The following KCNH1 variants were observed in gnomAD, a reference collection of about 807,000 sequenced individuals.
KCNH1 encodes potassium voltage-gated channel subfamily H member 1.
In KCNH1, 27 loss-of-function variants were observed where a neutral mutation model predicts 69.2. That is an observed-to-expected ratio of 0.39 (90% CI 0.29 to 0.54). The LOEUF is 0.54. Ranked by LOEUF, KCNH1 falls within the 20% of genes least tolerant of loss-of-function variation. KCNH1 has a pLI of 0.68. For synonymous variants in KCNH1, 456 were observed against 487.7 expected (o/e 0.93, Z 0.86); for missense variants, 798 against 1,261.6 (o/e 0.63, Z 5.57).
rs548489033 is a variant in KCNH1, at chr1:210,792,201, T to C, written c.1915+5307A>G. On this transcript the variant is annotated intron_variant, in intron 9 of 10. Coordinates refer to ENST00000271751, the MANE Select transcript of KCNH1 (RefSeq NM_172362.3). ...CCCTGATATCTCTGGACTCTGGCTC[T>C]CCTTCTACTTCTTTATTCAGGGGCT... Among the ~76,000 whole-genome samples the C allele has an allele frequency of 8.5e-5, 13 of 152,296 alleles. 1 individual carries two copies. In the South Asian group the frequency reaches 2.5e-3, roughly 29 times the overall value.
At chr1:211,070,418 TAAAA>T (rs759773298) in intron 5 of KCNH1, among the ~76,000 whole-genome samples, 1,585 of 112,586 alleles carry the variant, frequency 0.014, 25 homozygotes, top group African/African-American at 0.041. Flanking sequence ...ACTCCACCTT[TAAAA>T]AAAAAAAAAC....
intron 7 of KCNH1, among the ~76,000 whole-genome samples, chr1:210,837,896 G>A (rs1685321327): frequency 6.6e-6 from 1 of 152,122 alleles, no homozygotes; most frequent in African/African-American, 2.4e-5. Context: ...AGGTATCATT[G>A]TTGTTATTTT....
intron 5 of KCNH1, among the ~76,000 whole-genome samples, chr1:211,043,556 TAGAG>T (rs1395171038): frequency 1.3e-5 from 2 of 152,084 alleles, no homozygotes; most frequent in South Asian, 2.1e-4. Context: ...TTCCACAAGA[TAGAG>T]AAAGAGGGAA....
chr1:210,892,689 T>C (rs1295325760), intron 7 of KCNH1, among the ~76,000 whole-genome samples: 2 of 152,184 alleles, frequency 1.3e-5, no homozygotes, highest in African/African-American at 4.8e-5. Flanking sequence ...AAACTAAAGT[T>C]TGGACAATAA....
chr1:210,962,769 T>C (rs561866354), intron 6 of KCNH1, among the ~76,000 whole-genome samples: 28 of 151,698 alleles, frequency 1.8e-4, no homozygotes, highest in African/African-American at 5.6e-4. Flanking sequence ...ATGAGTCTCA[T>C]ACCTAGGAAT....
At chr1:210,713,086 T>A (rs1419369885) in intron 10 of KCNH1, among the ~76,000 whole-genome samples, 1 of 152,240 alleles carries the variant, frequency 6.6e-6, no homozygotes, top group African/African-American at 2.4e-5. Context: ...CAATTTATTT[T>A]ATTCACCTTT....
chr1:211,027,636 A>G (rs901774573), intron 5 of KCNH1, among the ~76,000 whole-genome samples: 2 of 152,200 alleles, frequency 1.3e-5, no homozygotes, highest in East Asian at 3.9e-4. Flanking sequence ...AGATGAAGAA[A>G]AAAATTAGTG....
intron 10 of KCNH1, among the ~76,000 whole-genome samples, chr1:210,732,593 T>C (rs1682771242): frequency 6.6e-6 from 1 of 152,192 alleles, no homozygotes; most frequent in South Asian, 2.1e-4. Context: ...CCTATCTTAG[T>C]CCATTGGGGT....
At chr1:211,118,247 T>A (rs1691620955) in intron 1 of KCNH1, among the ~76,000 whole-genome samples, 1 of 152,258 alleles carries the variant, frequency 6.6e-6, no homozygotes, top group African/African-American at 2.4e-5. Flanking sequence ...TGTGTATATA[T>A]GTATCTTTTA....
chr1:211,134,059 G>A lies in KCNH1; in HGVS notation c.-114C>T, dbSNP rs1691930215. On this transcript the variant is annotated 5_prime_UTR_variant, in exon 1 of 11. Transcript: ENST00000271751. The surrounding 1 kb of genome is among the most constrained non-coding windows in gnomAD (Gnocchi z 5.7). Reference sequence around the variant, plus strand: ...GCTCGAAGCGCCCCATGCGCCCGGCGGGGATCCGCAGGCAGGGCTGGCGGC... The same window carrying A: ...GCTCGAAGCGCCCCATGCGCCCGGCAGGGATCCGCAGGCAGGGCTGGCGGC... 3 of 882,900 alleles carry A rather than the reference G, an allele frequency of 3.4e-6. No homozygotes were observed. The highest frequency in any genetic ancestry group is 2.5e-4 in the Middle Eastern group (1 of 3,942). The allele number at this position is 882,900 out of a possible 1,614,324, so 54.7% of individuals were successfully genotyped here. A position where few individuals can be genotyped will look rare whatever the true frequency, so the allele number is the denominator to read the frequency against.
intron 6 of KCNH1, among the ~76,000 whole-genome samples, chr1:210,994,767 T>C (rs1688996982): frequency 6.6e-6 from 1 of 152,198 alleles, no homozygotes; most frequent in South Asian, 2.1e-4. Context: ...CCCCAGTAGA[T>C]GTGCAGCACA....
intron 7 of KCNH1, among the ~76,000 whole-genome samples, chr1:210,878,654 T>C (rs1245740709): frequency 6.6e-6 from 1 of 152,106 alleles, no homozygotes; most frequent in African/African-American, 2.4e-5. Context: ...GGAAAATTTA[T>C]AGCATTCAGT....
At chr1:210,802,616 A>G (rs1433099291) in intron 8 of KCNH1, among the ~76,000 whole-genome samples, 1 of 152,196 alleles carries the variant, frequency 6.6e-6, no homozygotes, top group African/African-American at 2.4e-5. Flanking sequence ...TTTCTCTATT[A>G]TTTCCAGTAC....
Position 210,859,416 on chromosome 1 carries a change from C to T in KCNH1, c.1463-55250G>A. The T allele has an allele frequency of 1.2e-6, 2 of 1,604,130 alleles. 1 individual carries two copies. The highest frequency in any genetic ancestry group is 2.2e-5 in the South Asian group (2 of 90,910). On this transcript the variant is annotated intron_variant, in intron 7 of 10. Transcript: ENST00000271751. ...GAAAGATAGCTTTAAATACCTGATA[C>T]TCATCAACAGGGTTATCTTCATCAT...
intron 4 of KCNH1, 86 bp downstream of exon 4, chr1:211,090,476 C>CTTAAATTGTTTGTAAATTAAGGT (rs1691033110): frequency 5.6e-6 from 7 of 1,240,278 alleles, no homozygotes; most frequent in Non-Finnish European, 7.8e-6. Flanking sequence ...AAGTGATTGC[C>CTTAAATTGTTTGTAAATTAAGGT]TTGACAACCT....
chr1:210,798,565 A>G (rs1042334620), intron 8 of KCNH1, among the ~76,000 whole-genome samples: 1 of 152,192 alleles, frequency 6.6e-6, no homozygotes, highest in African/African-American at 2.4e-5. Flanking sequence ...ATAGAGAAAT[A>G]CTGGAGGATT....
At chr1:210,900,259 G>A (rs1159676816) in intron 7 of KCNH1, among the ~76,000 whole-genome samples, 1 of 152,216 alleles carries the variant, frequency 6.6e-6, no homozygotes, top group Admixed American at 6.5e-5. Context: ...CGTACCAAGG[G>A]AGCTGGGAAG....
At chr1:210,823,809 C>G (rs1684981469) in intron 7 of KCNH1, among the ~76,000 whole-genome samples, 1 of 152,132 alleles carries the variant, frequency 6.6e-6, no homozygotes, top group South Asian at 2.1e-4. Context: ...CCCAGGCAGT[C>G]TGAGGCCTGA....
chr1:210,714,273 G>GAGTAA (rs565311882), intron 10 of KCNH1, among the ~76,000 whole-genome samples: 1 of 152,186 alleles, frequency 6.6e-6, no homozygotes, highest in Non-Finnish European at 1.5e-5. Flanking sequence ...TCAGTAAGGG[G>GAGTAA]AGTAAAGTAA....
Sources: allele counts gnomAD v4.1 joint callset (sites outside exome capture counted in the v4.1 genomes callset), GRCh38; gene constraint gnomAD v4.1.1; non-coding constraint Gnocchi (gnomAD v3.1); transcripts MANE v1.5; gene names NCBI Gene and HGNC (gene_info 2026-07-23, HGNC 2026-07-21).